The following ZNF518A variants were observed in gnomAD, a reference collection of about 807,000 sequenced individuals.
ZNF518A encodes the protein zinc finger protein 518.
In ZNF518A, 47 loss-of-function variants were observed where a neutral mutation model predicts 102.7. The observed-to-expected ratio is 0.46, with a 90% CI of 0.36 to 0.58. The LOEUF is 0.58. Ranked by LOEUF, ZNF518A falls within the 20% of genes least tolerant of loss-of-function variation. The probability of loss-of-function intolerance (pLI) is 0.00; values close to 1 mark genes in which losing one functional copy is unlikely to be tolerated. For synonymous variants in ZNF518A, 652 were observed against 594.6 expected (o/e 1.10, Z -1.40); for missense variants, 1,793 against 1,699.8 (o/e 1.05, Z -0.96).
At chr10:96,177,636 AG>A (rs2083213527) in intron 1 of ZNF518A, among the ~76,000 whole-genome samples, 1 of 152,198 alleles carries the variant, frequency 6.6e-6, no homozygotes, top group African/African-American at 2.4e-5. Flanking sequence ...TGTATTGTAT[AG>A]CCTAGAGGAA....
intron 3 of ZNF518A, among the ~76,000 whole-genome samples, chr10:96,151,949 G>T (rs1337365942): frequency 1.3e-5 from 2 of 152,192 alleles, no homozygotes; most frequent in African/African-American, 4.8e-5. Context: ...GACTTATTGA[G>T]ATGTTGGTCA....
downstream of ZNF518A, among the ~76,000 whole-genome samples, chr10:96,166,768 AAAAG>A (rs1200399444): frequency 4.0e-4 from 61 of 152,282 alleles, no homozygotes; most frequent in African/African-American, 1.3e-3. Flanking sequence ...CTCTGTCTCA[AAAAG>A]AAAGAAAGGA....
downstream of ZNF518A, chr10:96,204,691 T>A (rs2083749585): frequency 7.2e-7 from 1 of 1,388,414 alleles, no homozygotes; most frequent in African/African-American, 1.4e-5. Context: ...CAACATCAGC[T>A]GAGAAGAACC....
In ZNF518A at chr10:96,159,639, T is replaced by G. The variant is rs375532326; in HGVS notation, c.3317T>G (p.Phe1106Cys). 6.2e-7 allele frequency: 1 copy of G among 1,613,684 alleles called. No individual in the cohort carries two copies. Among genetic ancestry groups the G allele is most frequent in the African/African-American group, 1.3e-5 (1 of 74,938 alleles). Residue 1106 changes from phenylalanine to cysteine, a missense_variant, in exon 6 of 6, where the codon TTT becomes TGT. Coordinates refer to ENST00000316045, the MANE Select transcript of ZNF518A (RefSeq NM_001330736.2). ...TTGCCTGATGGCAAACAAGCTGTTTTTTTAAAGTGTGTGATGCCAAATAAA... is the reference window on the plus strand; with the variant it reads ...TTGCCTGATGGCAAACAAGCTGTTTGTTTAAAGTGTGTGATGCCAAATAAA... ...TFLPDGKQAV[F>C]LKCVMPNKTE... is the part of the protein sequence containing the mutation.
chr10:96,194,924 C>T (rs962374574), intron 1 of ZNF518A, among the ~76,000 whole-genome samples: 6 of 151,522 alleles, frequency 4.0e-5, no homozygotes, highest in Non-Finnish European at 8.8e-5. Context: ...GCACGCGCCA[C>T]CATGCCCGGC....
chr10:96,204,065 G>A lies in ZNF518A; in HGVS notation n.236G>A, dbSNP rs1177361907. The A allele has an allele frequency of 3.1e-6, 5 of 1,613,532 alleles. No homozygotes were observed. The highest frequency in any genetic ancestry group is 4.2e-6 in the Non-Finnish European group (5 of 1,179,604). ...GGCTTCGTTGTACTTACTTGGCAGA[G>A]GTATGGGTTTTTGGTGGATTTGTCT... On this transcript the variant is annotated non_coding_transcript_exon_variant, in exon 3 of 3. Transcript: ENST00000442635.
chr10:96,170,141 C>T (rs2083165268), intron 1 of ZNF518A, among the ~76,000 whole-genome samples: 1 of 152,170 alleles, frequency 6.6e-6, no homozygotes, highest in African/African-American at 2.4e-5. Flanking sequence ...TGAGTGTGAC[C>T]TTCTAGATTC....
chr10:96,185,340 C>T (rs142769621), intron 1 of ZNF518A, among the ~76,000 whole-genome samples: 2,327 of 152,282 alleles, frequency 0.015, 30 homozygotes, highest in South Asian at 0.053. Flanking sequence ...AGCTTTGTTC[C>T]GTTGCTGGCG....
intron 3 of ZNF518A, among the ~76,000 whole-genome samples, chr10:96,144,264 G>A (rs1444269964): frequency 6.6e-6 from 1 of 151,870 alleles, no homozygotes; most frequent in Non-Finnish European, 1.5e-5. Context: ...AGGATTATAG[G>A]CATGAGTCAC....
chr10:96,139,973 C>A (rs587723414), intron 3 of ZNF518A, among the ~76,000 whole-genome samples: 1 of 152,212 alleles, frequency 6.6e-6, no homozygotes, highest in South Asian at 2.1e-4. Context: ...ATTCTCCTGC[C>A]TCAGCCTCCT....
rs1554889222 is a variant in ZNF518A, at chr10:96,163,630, C to A, written c.*2856C>A. ...TTAGCAAATTTTTTCAATAAAGGGTCAGATAAATAAGCTTCGTAGGCCTTC... is the reference window on the plus strand; with the variant it reads ...TTAGCAAATTTTTTCAATAAAGGGTAAGATAAATAAGCTTCGTAGGCCTTC... On this transcript the variant is annotated 3_prime_UTR_variant, in exon 6 of 6. Transcript: ENST00000316045. 3 of 166,732 alleles carry A rather than the reference C, an allele frequency of 1.8e-5. No individual in the cohort carries two copies. The highest frequency in any genetic ancestry group is 7.3e-5 in the African/African-American group (3 of 41,314). 10.3% of individuals were successfully genotyped at this position (166,732 alleles called of 1,614,324 possible).
chr10:96,181,513 A>G (rs2083240094), intron 1 of ZNF518A, among the ~76,000 whole-genome samples: 1 of 152,088 alleles, frequency 6.6e-6, no homozygotes, highest in African/African-American at 2.4e-5. Flanking sequence ...ATCTTGAATT[A>G]ATTTTTGTCT....
At chr10:96,201,436 G>A (rs1366465306) in intron 1 of ZNF518A, among the ~76,000 whole-genome samples, 6 of 152,016 alleles carry the variant, frequency 3.9e-5, no homozygotes, top group Non-Finnish European at 8.8e-5. Flanking sequence ...TCCCTAAATT[G>A]TTTTTGTTTG....
chr10:96,191,802 C>A, intron 1 of ZNF518A: 1 of 808,996 alleles, frequency 1.2e-6, no homozygotes, highest in South Asian at 1.7e-5. Context: ...AGAACAAGTC[C>A]ACATGAGCTT....
At chr10:96,184,129 G>C (rs1353526530) in intron 1 of ZNF518A, among the ~76,000 whole-genome samples, 1 of 150,820 alleles carries the variant, frequency 6.6e-6, no homozygotes, top group Non-Finnish European at 1.5e-5. Context: ...GACTAGGATT[G>C]CATTTTTTGC....
downstream of ZNF518A, chr10:96,204,484 T>A (rs988842008): frequency 2.5e-6 from 4 of 1,580,138 alleles, no homozygotes; most frequent in Admixed American, 6.7e-5. Flanking sequence ...ACATGTTAAT[T>A]CCTGCAGCAA....
intron 1 of ZNF518A, among the ~76,000 whole-genome samples, chr10:96,186,641 C>T (rs1044608691): frequency 6.6e-6 from 1 of 152,200 alleles, no homozygotes; most frequent in Non-Finnish European, 1.5e-5. Context: ...CATGATTCGC[C>T]TGCCTTGGCC....
intron 3 of ZNF518A, among the ~76,000 whole-genome samples, chr10:96,150,742 C>CTTTTTTTTTTTTTTTTTTTTTTT (rs1564759772): frequency 6.9e-5 from 1 of 14,538 alleles, no homozygotes; most frequent in Non-Finnish European, 1.8e-4. Flanking sequence ...TTCTTTCTTT[C>CTTTTTTTTTTTTTTTTTTTTTTT]CTTTTTTTTT....
chr10:96,136,518 T>A (rs999552672), intron 3 of ZNF518A, among the ~76,000 whole-genome samples: 2 of 151,694 alleles, frequency 1.3e-5, no homozygotes, highest in South Asian at 4.2e-4. Flanking sequence ...TAAAAACATT[T>A]AAAGGCGTTT....
Sources: allele counts gnomAD v4.1 joint callset (sites outside exome capture counted in the v4.1 genomes callset), GRCh38; gene constraint gnomAD v4.1.1; transcripts MANE v1.5; gene names NCBI Gene and HGNC (gene_info 2026-07-23, HGNC 2026-07-21).